The following SHISA9 variants were observed in gnomAD, a reference collection of about 807,000 sequenced individuals.
SHISA9 encodes protein shisa-9.
Under a neutral mutation model 38.0 loss-of-function variants are expected in SHISA9, and 13 were observed. The ratio of observed to expected loss-of-function variants is 0.34; its 90% confidence interval spans 0.22 to 0.54. The LOEUF (loss-of-function observed/expected upper bound fraction) is 0.54. SHISA9 is among the 20% of genes least tolerant of loss of function. SHISA9 has a pLI of 0.91. For missense variants in SHISA9, 538 were observed against 575.8 expected (o/e 0.93, Z 0.67); for synonymous variants, 275 against 242.0 (o/e 1.14, Z -1.27).
chr16:13,330,090 T>C, the SHISA9 span, among the ~76,000 whole-genome samples: 12 of 152,360 alleles, frequency 7.9e-5, no homozygotes, highest in African/African-American at 2.6e-4. Flanking sequence ...TTGTAAGTTA[T>C]CAGTTAATGT....
the SHISA9 span, among the ~76,000 whole-genome samples, chr16:13,431,614 T>A: frequency 6.6e-6 from 1 of 152,208 alleles, no homozygotes; most frequent in African/African-American, 2.4e-5. Flanking sequence ...TTTTGTAGTT[T>A]ACACGATTTT....
At chr16:13,022,207 A>C (rs938944928) in intron 2 of SHISA9, among the ~76,000 whole-genome samples, 1 of 152,120 alleles carries the variant, frequency 6.6e-6, no homozygotes, top group Non-Finnish European at 1.5e-5. Flanking sequence ...GCTGGAGTGC[A>C]GTGACTCAAT....
chr16:13,502,673 G>A, the SHISA9 span, among the ~76,000 whole-genome samples: 6 of 152,058 alleles, frequency 3.9e-5, no homozygotes, highest in Non-Finnish European at 5.9e-5. Context: ...TCAAAAGCTC[G>A]AGACCAGCCT....
chr16:13,177,182 C>A (rs2050738545), intron 2 of SHISA9, among the ~76,000 whole-genome samples: 1 of 152,154 alleles, frequency 6.6e-6, no homozygotes, highest in Non-Finnish European at 1.5e-5. Flanking sequence ...GTGTACAGAA[C>A]CCCCTCTCAG....
intron 2 of SHISA9, among the ~76,000 whole-genome samples, chr16:13,065,334 G>A (rs1356671498): frequency 6.6e-6 from 1 of 152,092 alleles, no homozygotes; most frequent in Non-Finnish European, 1.5e-5. Context: ...CCCTATGTGA[G>A]GTGCATCCCA....
intron 2 of SHISA9, among the ~76,000 whole-genome samples, chr16:12,969,024 G>A (rs947003256): frequency 1.3e-5 from 2 of 152,012 alleles, no homozygotes; most frequent in East Asian, 3.9e-4. Context: ...GAACGTGGTG[G>A]TGCGCACCTG....
intron 2 of SHISA9, among the ~76,000 whole-genome samples, chr16:13,100,601 G>GTTGACTCC (rs2073868947): frequency 6.6e-6 from 1 of 152,206 alleles, no homozygotes; most frequent in Admixed American, 6.5e-5. Flanking sequence ...AGATTGAGAA[G>GTTGACTCC]TTGACTCCTT....
At chr16:13,542,711 G>A in the SHISA9 span, among the ~76,000 whole-genome samples, 2 of 152,188 alleles carry the variant, frequency 1.3e-5, no homozygotes, top group Admixed American at 1.3e-4. Flanking sequence ...TACAAGTGGT[G>A]TAAGTTAACT....
chr16:13,127,389 A>G (rs957173492), intron 2 of SHISA9, among the ~76,000 whole-genome samples: 1 of 138,938 alleles, frequency 7.2e-6, no homozygotes, highest in Non-Finnish European at 1.6e-5. Flanking sequence ...AGGGAGGGAG[A>G]GAGAGGAAGA....
chr16:13,441,778 A>G, the SHISA9 span, among the ~76,000 whole-genome samples: 2 of 152,196 alleles, frequency 1.3e-5, no homozygotes, highest in African/African-American at 4.8e-5. Flanking sequence ...AAGTCACCCC[A>G]GCTTAAAACT....
At chr16:13,117,154 T>C (rs2074038471) in intron 2 of SHISA9, among the ~76,000 whole-genome samples, 1 of 152,096 alleles carries the variant, frequency 6.6e-6, no homozygotes. Flanking sequence ...TTTTATATTT[T>C]TAGTGGAGAC....
At chr16:13,125,971 CT>C (rs1290781844) in intron 2 of SHISA9, among the ~76,000 whole-genome samples, 4 of 152,176 alleles carry the variant, frequency 2.6e-5, no homozygotes, top group African/African-American at 9.7e-5. Flanking sequence ...AACCTGTTTT[CT>C]TTTTCTCTTA....
At chr16:13,030,452 A>G (rs1305416421) in intron 2 of SHISA9, among the ~76,000 whole-genome samples, 1 of 152,178 alleles carries the variant, frequency 6.6e-6, no homozygotes, top group Admixed American at 6.5e-5. Flanking sequence ...TGCCCACTGC[A>G]GTAACATGCC....
At chr16:13,211,871 C>A (rs2051123165) in intron 3 of SHISA9, among the ~76,000 whole-genome samples, 1 of 152,206 alleles carries the variant, frequency 6.6e-6, no homozygotes, top group Non-Finnish European at 1.5e-5. Flanking sequence ...TGGCCATCCA[C>A]ACAGGAAGAA....
chr16:13,371,319 A>G, the SHISA9 span, among the ~76,000 whole-genome samples: 1 of 152,168 alleles, frequency 6.6e-6, no homozygotes, highest in Admixed American at 6.5e-5. Context: ...GCTCACCCCC[A>G]TAGATTCTGA....
chr16:12,938,663 A>T (rs2141753929), intron 2 of SHISA9, among the ~76,000 whole-genome samples: 1 of 151,812 alleles, frequency 6.6e-6, no homozygotes, highest in South Asian at 2.1e-4. Flanking sequence ...ACGCCCAGCT[A>T]ATTTTTTTTT....
intron 4 of SHISA9, among the ~76,000 whole-genome samples, chr16:13,218,450 T>A (rs1451519689): frequency 1.3e-5 from 2 of 152,208 alleles, no homozygotes; most frequent in Admixed American, 6.5e-5. Flanking sequence ...ATTTTTGCTG[T>A]TTGCTGAAAT....
chr16:13,473,815 T>C, the SHISA9 span, among the ~76,000 whole-genome samples: 2 of 150,784 alleles, frequency 1.3e-5, no homozygotes, highest in Non-Finnish European at 2.9e-5. Flanking sequence ...GTGTGTGTTC[T>C]TTTTTAAATA....
intron 2 of SHISA9, among the ~76,000 whole-genome samples, chr16:13,180,941 C>T (rs934392653): frequency 2.0e-5 from 3 of 152,060 alleles, no homozygotes; most frequent in Admixed American, 1.3e-4. Flanking sequence ...GAATCGTGCA[C>T]TCAGTGTTAA....
Sources: gnomAD v4.1 joint callset for allele counts (sites outside exome capture counted in the v4.1 genomes callset) on GRCh38, gnomAD v4.1.1 for gene constraint, MANE v1.5 for transcripts, NCBI Gene and HGNC (gene_info 2026-07-23, HGNC 2026-07-21) for gene names.